F5: variants seen among roughly 807,000 people sequenced by gnomAD.
F5 encodes activated protein c cofactor.
F5 carries 138 observed loss-of-function variants against 216.4 expected under a neutral mutation model. That is an observed-to-expected ratio of 0.64 (90% confidence interval 0.56 to 0.73). F5 has a LOEUF of 0.73. Among genes scored for constraint, F5 ranks in the 30% least tolerant of loss-of-function variants. The pLI is 0.00. For missense variants in F5, 2,403 were observed against 2,674.0 expected, an observed-to-expected ratio of 0.90 and a Z score of 2.24; for synonymous variants, 916 against 930.7, an observed-to-expected ratio of 0.98 and a Z score of 0.29.
intron 8 of F5, among the ~76,000 whole-genome samples, chr1:169,552,171 T>C (rs1660188501): frequency 6.6e-6 from 1 of 152,214 alleles, no homozygotes; most frequent in South Asian, 2.1e-4. Flanking sequence ...TAAATGGTGC[T>C]TTCTTTTTGT....
intron 18 of F5, among the ~76,000 whole-genome samples, chr1:169,525,392 T>C (rs1039806896): frequency 6.6e-6 from 1 of 152,126 alleles, no homozygotes; most frequent in African/African-American, 2.4e-5. Flanking sequence ...TTCTCAAAAG[T>C]TGACCTCAAA....
chr1:169,584,863 C>T (rs1185205719), intron 1 of F5, among the ~76,000 whole-genome samples: 1 of 152,192 alleles, frequency 6.6e-6, no homozygotes, highest in Non-Finnish European at 1.5e-5. Flanking sequence ...AACTTACCCA[C>T]AGGATGAGGG....
intron 8 of F5, among the ~76,000 whole-genome samples, chr1:169,551,756 C>T (rs9332692): frequency 3.3e-5 from 5 of 152,266 alleles, no homozygotes; most frequent in Non-Finnish European, 7.4e-5. Context: ...TGTAGATTAA[C>T]TACACTCTAG....
At chr1:169,578,105 G>C (rs1221177091) in intron 2 of F5, among the ~76,000 whole-genome samples, 5 of 152,164 alleles carry the variant, frequency 3.3e-5, no homozygotes, top group African/African-American at 1.2e-4. Context: ...CGCCAGATTT[G>C]CCTCCTTGTA....
chr1:169,586,438 C>T lies in F5; in HGVS notation c.-52G>A, dbSNP rs1661106078. ...CCACCACCCCAGGACCTGGGCAGCG[C>T]TTGCCGAGCTGCTAACCACACTCCG... On this transcript the variant is annotated 5_prime_UTR_variant, in exon 1 of 25. Coordinates refer to ENST00000367797, the MANE Select transcript of F5 (RefSeq NM_000130.5). 1.3e-6 allele frequency: 2 copies of T among 1,584,540 alleles called. No individual in the cohort carries two copies. Among genetic ancestry groups the T allele is most frequent in the Admixed American group, 1.8e-5 (1 of 56,888 alleles).
chr1:169,577,802 A>T lies in F5; in HGVS notation c.250+4629T>A, dbSNP rs966418286. On this transcript the variant is annotated intron_variant, in intron 2 of 24. Transcript: ENST00000367797. ...AAAATGACCCCAGCTGTACTCCCTC[A>T]CCTGCCCAAATGTCCACAAACCTTA... Among the ~76,000 whole-genome samples the T allele has an allele frequency of 5.3e-5, 8 of 151,528 alleles. 3 individuals carry two copies.
In F5 at chr1:169,513,175, A is replaced by G. The variant is rs1659072472; in HGVS notation, c.*1138T>C. 6.6e-6 allele frequency among the ~76,000 whole-genome samples: 1 copy of G among 152,056 alleles called. No individual in the cohort carries two copies. Among genetic ancestry groups the G allele is most frequent in the Admixed American group, 6.6e-5 (1 of 15,212 alleles). ...AAAATTTTATATATTTATGGTATAC[A>G]TAACATTTTGATATATGTACACGTT... On this transcript the variant is annotated 3_prime_UTR_variant, in exon 25 of 25. Transcript: ENST00000367797.
chr1:169,522,638 C>G (rs1420144559), intron 21 of F5, among the ~76,000 whole-genome samples: 1 of 152,144 alleles, frequency 6.6e-6, no homozygotes, highest in Non-Finnish European at 1.5e-5. Context: ...ATTCAGACTT[C>G]TTTGGGGAAG....
intron 3 of F5, among the ~76,000 whole-genome samples, chr1:169,563,615 G>A (rs1173559964): frequency 2.0e-5 from 3 of 151,874 alleles, no homozygotes; most frequent in South Asian, 2.1e-4. Context: ...TCCAGTGTTT[G>A]TTGTATTAGT....
At chr1:169,549,302 G>C (rs1383543177) in intron 10 of F5, among the ~76,000 whole-genome samples, 1 of 152,044 alleles carries the variant, frequency 6.6e-6, no homozygotes, top group African/African-American at 2.4e-5. Flanking sequence ...CCATAATCTG[G>C]GTCCAATTTC....
chr1:169,551,304 G>A (rs1019239731), intron 8 of F5, among the ~76,000 whole-genome samples: 1 of 152,260 alleles, frequency 6.6e-6, no homozygotes, highest in South Asian at 2.1e-4. Context: ...ACAAAAATTA[G>A]CCAGGCGTTG....
In F5 at chr1:169,560,711, A is replaced by T. The variant is rs1309036701; in HGVS notation, c.429T>A (p.Ala143=). The part of the protein sequence containing the change: ...FPAEKMDDAV[A]PGREYTYEWS... Reference sequence around the variant, plus strand: ...ATTCATAGGTGTATTCTCGGCCTGGAGCCACAGCGTCGTCCATCTTCTCCG... The same window carrying T: ...ATTCATAGGTGTATTCTCGGCCTGGTGCCACAGCGTCGTCCATCTTCTCCG... The change falls in exon 4 of 25, where the codon GCT becomes GCA. Residue 143 remains alanine (A), a synonymous_variant. Transcript: ENST00000367797. 3.1e-6 allele frequency: 5 copies of T among 1,613,484 alleles called. No homozygotes were observed. Among genetic ancestry groups the T allele is most frequent in the Non-Finnish European group, 3.4e-6 (4 of 1,179,770 alleles).
At chr1:169,540,189 T>C in intron 13 of F5, 105 bp downstream of exon 13, 2 of 1,247,188 alleles carry the variant, frequency 1.6e-6, no homozygotes, top group Non-Finnish European at 2.3e-6. Context: ...GGAACCACAC[T>C]GTTCTTAGTA....
At chr1:169,581,927 T>C (rs918105807) in intron 2 of F5, among the ~76,000 whole-genome samples, 1 of 152,174 alleles carries the variant, frequency 6.6e-6, no homozygotes, top group Non-Finnish European at 1.5e-5. Context: ...AAGCAAAATA[T>C]CATTTTGCGA....
Position 169,541,567 on chromosome 1 carries a change from G to A in F5, c.3523C>T (p.Pro1175Ser). 6.2e-7 allele frequency: 1 copy of A among 1,614,128 alleles called. No homozygotes were observed. The highest frequency in any genetic ancestry group is 1.3e-5 in the African/African-American group (1 of 75,042). Residue 1175 changes from proline (P) to serine (S), a missense_variant, in exon 13 of 25, where the codon CCT becomes TCT. By Grantham distance (74) the Pro-to-Ser change is moderately conservative. This residue lies in a region of F5 where 1,425 missense variants were observed against 1,554.8 expected (regional missense o/e 0.92). Coordinates refer to ENST00000367797, the MANE Select transcript of F5 (RefSeq NM_000130.5). ...TGCCAGACTTCATGTTCTGAGGAAG[G>A]GGACATTTGACTTATATCTGTGGGG... ...SFPTDISQMS[P>S]SSEHEVWQTV...
At chr1:169,575,644 T>C (rs1054633822) in intron 2 of F5, among the ~76,000 whole-genome samples, 1 of 152,070 alleles carries the variant, frequency 6.6e-6, no homozygotes, top group East Asian at 1.9e-4. Context: ...TAGTTGGAAC[T>C]TGAAGATGGA....
Position 169,550,564 on chromosome 1 carries a change from C to T in F5, c.1396+76G>A, listed in dbSNP as rs1427404910. Reference sequence around the variant, plus strand: ...TGACTGCAGTAGTGACACCACCGGGCAAGGAGAATAGCAGAAAAATGTGGC... The same window carrying T: ...TGACTGCAGTAGTGACACCACCGGGTAAGGAGAATAGCAGAAAAATGTGGC... On this transcript the variant is annotated intron_variant, in intron 9 of 24. Coordinates refer to ENST00000367797, the MANE Select transcript of F5 (RefSeq NM_000130.5). The T allele has an allele frequency of 4.5e-6, 5 of 1,100,950 alleles. No individual in the cohort carries two copies. The East Asian group carries it at 9.6e-5, about 21-fold the overall frequency. The allele number at this position is 1,100,950 out of a possible 1,614,324, so 68.2% of individuals were successfully genotyped here.
At chr1:169,572,407 A>G (rs1202432415) in intron 2 of F5, 64 bp from the exon 3 acceptor site, 3 of 1,589,452 alleles carry the variant, frequency 1.9e-6, no homozygotes, top group Non-Finnish European at 2.6e-6. Flanking sequence ...GTTGCTAAGC[A>G]AGAAAAACAA....
intron 3 of F5, among the ~76,000 whole-genome samples, chr1:169,568,403 G>C (rs968458223): frequency 1.3e-5 from 2 of 151,972 alleles, no homozygotes; most frequent in Non-Finnish European, 2.9e-5. Flanking sequence ...TTTACCTTTA[G>C]TCTAGAATAA....
Sources: allele counts gnomAD v4.1 joint callset (sites outside exome capture counted in the v4.1 genomes callset), GRCh38; gene constraint gnomAD v4.1.1; regional missense constraint gnomAD v4.1.1; transcripts MANE v1.5; gene names NCBI Gene and HGNC (gene_info 2026-07-23, HGNC 2026-07-21).